Variants in ACTR3C observed in about 807,000 individuals in gnomAD.
ACTR3C encodes the protein actin-related protein 3C.
ACTR3C carries 18 observed loss-of-function variants against 26.3 expected under a neutral mutation model. That is an observed-to-expected ratio of 0.68 (90% CI 0.47 to 1.01). The LOEUF (loss-of-function observed/expected upper bound fraction) is 1.01, where lower values mean the gene tolerates loss of function less well. Ranked by LOEUF, ACTR3C falls within the 50% of genes least tolerant of loss-of-function variation. ACTR3C has a pLI of 0.00. For missense variants in ACTR3C, 184 were observed against 250.7 expected (o/e 0.73, Z 1.80); for synonymous variants, 55 against 94.5 (o/e 0.58, Z 2.42).
chr7:150,304,436 G>A (rs984460075), intron 1 of ACTR3C, among the ~76,000 whole-genome samples: 19 of 152,088 alleles, frequency 1.2e-4, no homozygotes, highest in African/African-American at 3.6e-4. Context: ...AGGATGGTAC[G>A]TTTTATTTTT....
chr7:150,169,797 T>C, the ACTR3C span, among the ~76,000 whole-genome samples: 469 of 150,992 alleles, frequency 3.1e-3, 32 homozygotes, highest in African/African-American at 0.011. Flanking sequence ...GAGTCAGAAC[T>C]TTTGCATCAT....
the ACTR3C span, among the ~76,000 whole-genome samples, chr7:150,041,639 C>A: frequency 9.1e-6 from 1 of 109,904 alleles, no homozygotes; most frequent in Non-Finnish European, 2.0e-5. Flanking sequence ...GGGGTGCCTC[C>A]CCCCCCCTGC....
the ACTR3C span, among the ~76,000 whole-genome samples, chr7:149,906,412 C>CTTTTTT: frequency 8.3e-5 from 6 of 72,106 alleles, 1 homozygote; most frequent in Non-Finnish European, 1.1e-4. Flanking sequence ...GGGTTTGTTT[C>CTTTTTT]TTTTTTTTTT....
chr7:150,198,548 A>G, the ACTR3C span, among the ~76,000 whole-genome samples: 1 of 143,768 alleles, frequency 7.0e-6, no homozygotes, highest in East Asian at 2.1e-4. Context: ...CCAGTCTGGG[A>G]GGTGAGGAGC....
the ACTR3C span, among the ~76,000 whole-genome samples, chr7:150,193,734 G>C: frequency 1.3e-5 from 2 of 151,384 alleles, no homozygotes; most frequent in African/African-American, 4.9e-5. Context: ...GATACCTATT[G>C]GATATTAACT....
chr7:150,158,032 G>C, the ACTR3C span, among the ~76,000 whole-genome samples: 1 of 152,068 alleles, frequency 6.6e-6, no homozygotes, highest in African/African-American at 2.4e-5. Flanking sequence ...TAGGCAAAGG[G>C]CCTGAATAGA....
the ACTR3C span, among the ~76,000 whole-genome samples, chr7:150,128,309 T>G: frequency 1.4e-5 from 2 of 143,832 alleles, no homozygotes; most frequent in East Asian, 4.1e-4. Context: ...TTGCTTCAGT[T>G]TGTAAATACT....
chr7:149,966,915 G>A, the ACTR3C span, among the ~76,000 whole-genome samples: 5 of 151,506 alleles, frequency 3.3e-5, no homozygotes, highest in Non-Finnish European at 5.9e-5. Context: ...CGACTGGAGT[G>A]CAATGGCGTG....
chr7:150,121,523 A>G, the ACTR3C span, among the ~76,000 whole-genome samples: 1 of 148,104 alleles, frequency 6.8e-6, no homozygotes, highest in Non-Finnish European at 1.5e-5. Flanking sequence ...TCCAACTGAC[A>G]AGGGGTGTGA....
the ACTR3C span, among the ~76,000 whole-genome samples, chr7:150,042,881 C>T: frequency 1.3e-5 from 2 of 150,708 alleles, no homozygotes; most frequent in East Asian, 3.9e-4. Flanking sequence ...AAGGCTTTGT[C>T]AGATCGGGTA....
chr7:149,943,080 G>C, the ACTR3C span, among the ~76,000 whole-genome samples: 1 of 152,046 alleles, frequency 6.6e-6, no homozygotes, highest in Non-Finnish European at 1.5e-5. Flanking sequence ...ACACAATGGC[G>C]GGAGTCAGCA....
At chr7:150,143,718 G>A in the ACTR3C span, among the ~76,000 whole-genome samples, 1 of 152,218 alleles carries the variant, frequency 6.6e-6, no homozygotes, top group Non-Finnish European at 1.5e-5. Context: ...CAGCCATCTC[G>A]TAGCTTCAGG....
At chr7:150,273,885 T>C (rs1563167521) in intron 6 of ACTR3C, among the ~76,000 whole-genome samples, 1 of 150,702 alleles carries the variant, frequency 6.6e-6, no homozygotes, top group East Asian at 1.9e-4. Context: ...CTGACTCCTC[T>C]GTGAGAGCGC....
chr7:150,053,230 A>G, the ACTR3C span, among the ~76,000 whole-genome samples: 41 of 150,780 alleles, frequency 2.7e-4, no homozygotes, highest in Middle Eastern at 3.4e-3. Context: ...GTTGTTCTCC[A>G]AAACGTCTTA....
chr7:149,932,596 A>G, the ACTR3C span, among the ~76,000 whole-genome samples: 1 of 151,988 alleles, frequency 6.6e-6, no homozygotes, highest in Non-Finnish European at 1.5e-5. Context: ...TCGCACAGTC[A>G]TTTGCTGGCT....
chr7:150,137,098 C>T, the ACTR3C span, among the ~76,000 whole-genome samples: 11 of 152,214 alleles, frequency 7.2e-5, no homozygotes, highest in African/African-American at 1.9e-4. Flanking sequence ...TGCTCACTCA[C>T]CTGCTGCTCA....
intron 1 of ACTR3C, among the ~76,000 whole-genome samples, chr7:150,312,376 G>A (rs1409183623): frequency 1.3e-5 from 2 of 152,134 alleles, no homozygotes; most frequent in African/African-American, 2.4e-5. Flanking sequence ...CGTTCAGACC[G>A]CCACTCACAC....
chr7:150,136,536 G>C, the ACTR3C span, among the ~76,000 whole-genome samples: 3 of 152,172 alleles, frequency 2.0e-5, no homozygotes, highest in Admixed American at 2.0e-4. Flanking sequence ...CAGGCATGGT[G>C]GGGGGTGTCT....
At chr7:150,133,468 C>T in the ACTR3C span, among the ~76,000 whole-genome samples, 4 of 152,272 alleles carry the variant, frequency 2.6e-5, no homozygotes, top group Admixed American at 2.0e-4. Context: ...GGAGTTCAAA[C>T]TGCAAGGCCA....
Sources: gnomAD v4.1 joint callset for allele counts (sites outside exome capture counted in the v4.1 genomes callset) on GRCh38, gnomAD v4.1.1 for gene constraint, MANE v1.5 for transcripts, NCBI Gene and HGNC (gene_info 2026-07-23, HGNC 2026-07-21) for gene names.